Variants in PIK3CB observed in about 807,000 individuals in gnomAD.
PIK3CB encodes the protein phosphatidylinositol-4,5-bisphosphate 3-kinase catalytic subunit beta.
PIK3CB carries 39 observed loss-of-function variants against 136.8 expected under a neutral mutation model. The ratio of observed to expected loss-of-function variants is 0.29; its 90% CI spans 0.22 to 0.37. The LOEUF is 0.37. Among genes scored for constraint, PIK3CB ranks in the 10% least tolerant of loss-of-function variants. The pLI is 1.00. For missense variants in PIK3CB, 868 were observed against 1,275.4 expected (o/e 0.68, Z 4.87); for synonymous variants, 428 against 436.6 (o/e 0.98, Z 0.25).
rs535106691 is a variant in PIK3CB at position 138,800,845 on chromosome 3, G to A, written c.-121-4278C>T. Among the ~76,000 whole-genome samples, 10 of 152,020 alleles carry A rather than the reference G, an allele frequency of 6.6e-5. No individual in the cohort carries two copies. In the South Asian group the frequency reaches 1.0e-3, roughly 16 times the overall value. On this transcript the variant is annotated intron_variant, in intron 1 of 23. Coordinates refer to ENST00000674063, the MANE Select transcript of PIK3CB (RefSeq NM_006219.3). ...TCGCCATGTTGGCCAGGCTGGTCTC[G>A]GACCTCCTGACCTCAGGTAATCTAC...
rs191328169 is a variant in PIK3CB, at chr3:138,709,636, C to A, written c.1400-2347G>T. Among the ~76,000 whole-genome samples the A allele has an allele frequency of 2.6e-3, 395 of 152,284 alleles. 4 individuals are homozygous for A. Among genetic ancestry groups the A allele is most frequent in the African/African-American group, 9.3e-3 (386 of 41,560 alleles). ...TGGGTTAAATGTAACAATTCTAGAG[C>A]TGACACATGCAGAACTAATGTGTTC... is the stretch of plus-strand genomic sequence containing the variant. On this transcript the variant is annotated intron_variant, in intron 10 of 23. Coordinates refer to ENST00000674063, the MANE Select transcript of PIK3CB (RefSeq NM_006219.3).
intron 8 of PIK3CB, among the ~76,000 whole-genome samples, chr3:138,725,658 A>G (rs553111357): frequency 7.2e-5 from 11 of 152,194 alleles, no homozygotes; most frequent in South Asian, 4.2e-4. Flanking sequence ...TTCAGTTATT[A>G]TATTTTTTAG....
Position 138,665,071 on chromosome 3 carries a change from A to G in PIK3CB, c.2637T>C (p.Asp879=). 6.2e-7 allele frequency: 1 copy of G among 1,612,710 alleles called. No individual in the cohort carries two copies. Residue 879 remains aspartate (D), a synonymous_variant, in exon 20 of 24, where the codon GAT becomes GAC. Coordinates refer to ENST00000674063, the MANE Select transcript of PIK3CB (RefSeq NM_006219.3). ...ATTCTTTAAGCCAGTTCAGAAGGGC[A>G]TCTTTGTTGAAGGCTGCTGCAGCAG... ...NVAAAAAFNK[D]ALLNWLKEYN... is the part of the protein sequence containing the mutation.
chr3:138,764,257 T>A (rs1364719992), intron 2 of PIK3CB, among the ~76,000 whole-genome samples: 3 of 147,946 alleles, frequency 2.0e-5, no homozygotes, highest in Non-Finnish European at 4.5e-5. Context: ...AAGACCAGCC[T>A]GGGCTACATA....
intron 19 of PIK3CB, among the ~76,000 whole-genome samples, chr3:138,672,633 G>A (rs576299489): frequency 8.5e-5 from 13 of 152,336 alleles, no homozygotes; most frequent in Admixed American, 4.6e-4. Flanking sequence ...TAGGCTGGGC[G>A]TGGTGGCTCA....
chr3:138,670,077 C>T (rs2043502973), intron 19 of PIK3CB, among the ~76,000 whole-genome samples: 1 of 152,192 alleles, frequency 6.6e-6, no homozygotes, highest in African/African-American at 2.4e-5. Context: ...CACAATGCTT[C>T]CCATCAGCTA....
chr3:138,669,248 C>T (rs1336025554), intron 19 of PIK3CB, among the ~76,000 whole-genome samples: 4 of 107,156 alleles, frequency 3.7e-5, no homozygotes, highest in African/African-American at 1.1e-4. Context: ...TTTGTCTCTA[C>T]AAAAAGTAAA....
intron 2 of PIK3CB, among the ~76,000 whole-genome samples, chr3:138,761,066 G>T (rs2045656330): frequency 6.6e-6 from 1 of 152,110 alleles, no homozygotes; most frequent in Non-Finnish European, 1.5e-5. Context: ...ATAATAAGGT[G>T]AAAGGAGAAG....
intron 8 of PIK3CB, among the ~76,000 whole-genome samples, chr3:138,722,573 T>A (rs1017733100): frequency 1.3e-5 from 2 of 151,920 alleles, no homozygotes; most frequent in Admixed American, 1.3e-4. Context: ...TCAATAAATG[T>A]TCGCTAGTAT....
chr3:138,779,458 T>G (rs1399179824), intron 2 of PIK3CB, among the ~76,000 whole-genome samples: 1 of 149,050 alleles, frequency 6.7e-6, no homozygotes, highest in Non-Finnish European at 1.5e-5. Context: ...TGGCACGATC[T>G]TGGCTCACTG....
intron 2 of PIK3CB, among the ~76,000 whole-genome samples, chr3:138,773,175 C>T (rs991600778): frequency 1.4e-4 from 21 of 151,904 alleles, no homozygotes; most frequent in African/African-American, 4.1e-4. Context: ...CTGAGGTGGG[C>T]GAATCACTTG....
intron 4 of PIK3CB, among the ~76,000 whole-genome samples, chr3:138,754,519 T>C (rs2108715995): frequency 6.6e-6 from 1 of 152,252 alleles, no homozygotes; most frequent in Non-Finnish European, 1.5e-5. Context: ...AAAGGCATGC[T>C]TTCTAATAAT....
intron 20 of PIK3CB, 49 bp from the exon 21 acceptor site, chr3:138,664,078 C>T (rs370214055): frequency 1.1e-5 from 18 of 1,599,844 alleles, no homozygotes; most frequent in Middle Eastern, 1.7e-4. Context: ...AGCCTCCAAG[C>T]GTGTAGAGTG....
In PIK3CB at chr3:138,742,778, A is replaced by G; in HGVS notation, c.401T>C (p.Leu134Pro). The G allele has an allele frequency of 6.4e-7, 1 of 1,563,280 alleles. No individual in the cohort carries two copies. Among genetic ancestry groups the G allele is most frequent in the African/African-American group, 1.4e-5 (1 of 73,614 alleles). ...SKIGVLIGKGLHEFDSLKDPE... is the reference protein window; with the variant it reads ...SKIGVLIGKGPHEFDSLKDPE... The stretch of plus-strand genomic sequence containing the variant: ...ATCCTTCAAGGAATCAAATTCATGC[A>G]GACCTAAACACATTTTTTAAAGGTG... Residue 134 changes from leucine to proline, a missense_variant, in exon 5 of 24, where the codon CTG becomes CCG. This residue lies in a region of PIK3CB where 612 missense variants were observed against 801.1 expected (regional missense o/e 0.76). Coordinates refer to ENST00000674063, the MANE Select transcript of PIK3CB (RefSeq NM_006219.3).
chr3:138,825,734 T>C (rs1470691827), intron 1 of PIK3CB: 6 of 690,702 alleles, frequency 8.7e-6, no homozygotes, highest in African/African-American at 1.8e-5. Context: ...ACTGTGCCTA[T>C]AGGCCAAGTG....
chr3:138,696,025 C>T (rs1283487937), intron 13 of PIK3CB, among the ~76,000 whole-genome samples: 9 of 147,148 alleles, frequency 6.1e-5, no homozygotes, highest in African/African-American at 2.3e-4. Context: ...CCCACCTTGG[C>T]CCCAAAGTTC....
intron 1 of PIK3CB, among the ~76,000 whole-genome samples, chr3:138,820,640 C>T (rs143803795): frequency 4.3e-4 from 66 of 152,178 alleles, no homozygotes; most frequent in African/African-American, 1.5e-3. Flanking sequence ...ATTACAAGTG[C>T]GCACCACCAC....
At chr3:138,665,747 T>A (rs1375116503) in intron 19 of PIK3CB, among the ~76,000 whole-genome samples, 1 of 143,354 alleles carries the variant, frequency 7.0e-6, no homozygotes, top group Admixed American at 6.7e-5. Flanking sequence ...TTTTAAAAAC[T>A]TTTTTTGACA....
intron 12 of PIK3CB, among the ~76,000 whole-genome samples, chr3:138,700,744 T>G (rs1044894558): frequency 3.1e-5 from 4 of 129,506 alleles, no homozygotes; most frequent in Non-Finnish European, 6.8e-5. Context: ...GATAGATAGA[T>G]AGAGATAGAG....
Sources: allele counts gnomAD v4.1 joint callset (sites outside exome capture counted in the v4.1 genomes callset), GRCh38; gene constraint gnomAD v4.1.1; regional missense constraint gnomAD v4.1.1; transcripts MANE v1.5; gene names NCBI Gene and HGNC (gene_info 2026-07-23, HGNC 2026-07-21).